The following GALNT7 variants were observed in gnomAD, a reference collection of about 807,000 sequenced individuals.
GALNT7 encodes the protein N-acetylgalactosaminyltransferase 7.
Under a neutral mutation model 82.1 loss-of-function variants are expected in GALNT7, and 60 were observed. That is an observed-to-expected ratio of 0.73 (90% CI 0.59 to 0.91). GALNT7 has a LOEUF of 0.91. Among genes scored for constraint, GALNT7 ranks in the 40% least tolerant of loss-of-function variants. GALNT7 has a pLI of 0.00. For synonymous variants in GALNT7, 243 were observed against 275.1 expected (o/e 0.88, Z 1.15); for missense variants, 660 against 804.2 (o/e 0.82, Z 2.17).
chr4:173,266,325 G>C (rs188532340), intron 2 of GALNT7, among the ~76,000 whole-genome samples: 210 of 152,278 alleles, frequency 1.4e-3, no homozygotes, highest in Non-Finnish European at 2.5e-3. Context: ...GGGTTCCTTG[G>C]TACTGTGAGA....
intron 8 of GALNT7, among the ~76,000 whole-genome samples, chr4:173,308,775 C>T (rs1253789716): frequency 1.3e-5 from 2 of 152,244 alleles, no homozygotes; most frequent in South Asian, 4.2e-4. Context: ...TGGTGGTGGG[C>T]ACCTGCAATC....
chr4:173,321,547 A>C (rs901441808), intron 11 of GALNT7, 33 bp from the exon 12 acceptor site: 6 of 1,580,628 alleles, frequency 3.8e-6, no homozygotes, highest in Non-Finnish European at 5.2e-6. Context: ...CAAGGGTCCA[A>C]ATTTGAAACT....
chr4:173,232,644 G>A (rs1168909530), intron 1 of GALNT7, among the ~76,000 whole-genome samples: 1 of 151,972 alleles, frequency 6.6e-6, no homozygotes, highest in Non-Finnish European at 1.5e-5. Context: ...CTATGCTGCC[G>A]AGGCATGTCT....
intron 1 of GALNT7, among the ~76,000 whole-genome samples, chr4:173,235,518 G>A (rs1452256549): frequency 6.6e-6 from 1 of 151,242 alleles, no homozygotes. Context: ...TTTGCTCAGT[G>A]ATGTACTCAT....
At chr4:173,269,296 A>G (rs1014201791) in intron 2 of GALNT7, among the ~76,000 whole-genome samples, 1 of 152,196 alleles carries the variant, frequency 6.6e-6, no homozygotes, top group Admixed American at 6.5e-5. Flanking sequence ...TGGCCGAGTT[A>G]TTATTATATG....
intron 1 of GALNT7, among the ~76,000 whole-genome samples, chr4:173,223,992 G>T (rs775227427): frequency 1.3e-5 from 2 of 151,936 alleles, no homozygotes; most frequent in Non-Finnish European, 1.5e-5. Context: ...GTTCATGGTG[G>T]TAAGTAGCAG....
intron 1 of GALNT7, among the ~76,000 whole-genome samples, chr4:173,224,961 G>A (rs967191289): frequency 2.6e-4 from 40 of 151,612 alleles, no homozygotes; most frequent in African/African-American, 9.7e-4. Context: ...CTTGCAGTGA[G>A]CCGAAATTGT....
chr4:173,296,444 GTGGCAAA>G (rs1245816565), intron 5 of GALNT7, among the ~76,000 whole-genome samples: 2 of 152,150 alleles, frequency 1.3e-5, no homozygotes, highest in South Asian at 2.1e-4. Context: ...ACACGTCCAT[GTGGCAAA>G]TGGCAAATGG....
At chr4:173,232,348 A>T (rs1734056447) in intron 1 of GALNT7, among the ~76,000 whole-genome samples, 1 of 152,070 alleles carries the variant, frequency 6.6e-6, no homozygotes, top group Non-Finnish European at 1.5e-5. Context: ...TGAATTGTAC[A>T]TATTTATGGA....
chr4:173,222,397 G>C (rs921222289), intron 1 of GALNT7, among the ~76,000 whole-genome samples: 2 of 152,110 alleles, frequency 1.3e-5, no homozygotes, highest in Non-Finnish European at 2.9e-5. Flanking sequence ...TCAGTCTCCT[G>C]AGTAGCTAGG....
rs60894562 is a variant in GALNT7, at chr4:173,268,530, GTTTTTTTTT to G, written c.587+20109_587+20117del. Among the ~76,000 whole-genome samples, 38 of 52,362 alleles carry G rather than the reference GTTTTTTTTT, an allele frequency of 7.3e-4. No homozygotes were observed. In the South Asian group the frequency reaches 0.023, roughly 32 times the overall value. 34.4% of individuals were successfully genotyped at this position (52,362 alleles called of 152,430 possible). ...AAATAGGACACTTGTTTTCTCTCTC[GTTTTTTTTT>G]TTTTTTTTTTTTTTTTTTGAGATGG... On this transcript the variant is annotated intron_variant, in intron 2 of 11. Transcript: ENST00000265000.
At chr4:173,309,300 C>T (rs1737289467) in intron 8 of GALNT7, among the ~76,000 whole-genome samples, 1 of 152,180 alleles carries the variant, frequency 6.6e-6, no homozygotes, top group Admixed American at 6.5e-5. Flanking sequence ...CTCTCAGCTT[C>T]CTCAAATGAG....
chr4:173,300,642 G>A (rs1736888146), intron 6 of GALNT7, among the ~76,000 whole-genome samples: 1 of 152,090 alleles, frequency 6.6e-6, no homozygotes, highest in East Asian at 1.9e-4. Context: ...AGTCCATGGT[G>A]AGCCCAGAGA....
rs556839988 is a variant in GALNT7, at chr4:173,232,245, C to G, written c.127-15735C>G. ...ACTGAAGCCAGGCAAAGAGTTTGAG[C>G]CTGGTTAGGGAGACTTTCAGTCTCT... On this transcript the variant is annotated intron_variant, in intron 1 of 11. Transcript: ENST00000265000. Among the ~76,000 whole-genome samples the G allele has an allele frequency of 4.6e-5, 7 of 151,860 alleles. No individual in the cohort carries two copies. In the South Asian group the frequency reaches 1.5e-3, roughly 32 times the overall value.
At chr4:173,269,356 T>C (rs572778981) in intron 2 of GALNT7, among the ~76,000 whole-genome samples, 60 of 152,284 alleles carry the variant, frequency 3.9e-4, no homozygotes, top group African/African-American at 1.4e-3. Context: ...CTCCCCACTT[T>C]ATCTTCCACC....
chr4:173,297,213 C>CTT (rs879456070), intron 5 of GALNT7, among the ~76,000 whole-genome samples: 4 of 137,498 alleles, frequency 2.9e-5, no homozygotes, highest in African/African-American at 8.1e-5. Context: ...ATTTTTTTTG[C>CTT]TTTTTTTTTT....
intron 1 of GALNT7, among the ~76,000 whole-genome samples, chr4:173,235,556 C>CTTTTTTTTTTTT (rs11421248): frequency 7.1e-6 from 1 of 140,786 alleles, no homozygotes; most frequent in Non-Finnish European, 1.5e-5. Context: ...CTTTTCTTTT[C>CTTTTTTTTTTTT]TTTTTTTTTT....
chr4:173,254,089 T>C (rs73872505), intron 2 of GALNT7, among the ~76,000 whole-genome samples: 3,513 of 152,362 alleles, frequency 0.023, 142 homozygotes, highest in African/African-American at 0.08. Context: ...TTCTGTTTTG[T>C]AGAAAAGCTA....
At chr4:173,233,222 A>G (rs1279997766) in intron 1 of GALNT7, among the ~76,000 whole-genome samples, 3 of 152,172 alleles carry the variant, frequency 2.0e-5, no homozygotes, top group Admixed American at 2.0e-4. Context: ...CCTTTGATAT[A>G]TTAATTTCCT....
Sources: gnomAD v4.1 joint callset for allele counts (sites outside exome capture counted in the v4.1 genomes callset) on GRCh38, gnomAD v4.1.1 for gene constraint, MANE v1.5 for transcripts, NCBI Gene and HGNC (gene_info 2026-07-23, HGNC 2026-07-21) for gene names.